COMMD10: variants seen among roughly 807,000 people sequenced by gnomAD.
COMMD10 encodes COMM domain-containing protein 10.
In COMMD10, 33 loss-of-function variants were observed where a neutral mutation model predicts 28.9. The observed-to-expected ratio is 1.14, with a 90% CI of 0.87 to 1.53. The LOEUF is 1.53. COMMD10 is among the 40% of genes most tolerant of loss of function. COMMD10 has a pLI of 0.00. For synonymous variants in COMMD10, 110 were observed against 81.7 expected (o/e 1.35, Z -1.87); for missense variants, 310 against 233.4 (o/e 1.33, Z -2.14).
chr5:116,093,991 C>T (rs1750386808), intron 4 of COMMD10, among the ~76,000 whole-genome samples: 1 of 152,072 alleles, frequency 6.6e-6, no homozygotes. Context: ...AATGTAATGG[C>T]CCTTCTCTCT....
intron 4 of COMMD10, among the ~76,000 whole-genome samples, chr5:116,113,083 T>C (rs937538952): frequency 1.3e-5 from 2 of 152,254 alleles, no homozygotes; most frequent in Non-Finnish European, 2.9e-5. Flanking sequence ...AGCTTAATAC[T>C]ACCTGGATAT....
intron 5 of COMMD10, among the ~76,000 whole-genome samples, chr5:116,176,651 A>G (rs1483516892): frequency 6.6e-6 from 1 of 152,116 alleles, no homozygotes. Context: ...TGAGGGTCCT[A>G]TAAGGTTGTA....
chr5:116,184,520 T>C (rs974761659), intron 5 of COMMD10, among the ~76,000 whole-genome samples: 1 of 152,046 alleles, frequency 6.6e-6, no homozygotes, highest in Non-Finnish European at 1.5e-5. Flanking sequence ...GTTGATAATA[T>C]TGGTTAACAC....
chr5:116,273,727 C>G (rs17139333), intron 5 of COMMD10, among the ~76,000 whole-genome samples: 16,831 of 151,492 alleles, frequency 0.11, 1,552 homozygotes, highest in African/African-American at 0.23. Context: ...TGTTTCTGAT[C>G]TAAGCCTTTG....
chr5:116,226,730 G>C (rs937763175), intron 5 of COMMD10, among the ~76,000 whole-genome samples: 5 of 152,078 alleles, frequency 3.3e-5, no homozygotes, highest in African/African-American at 1.2e-4. Flanking sequence ...TAAGTAGATG[G>C]CCTTAATATT....
chr5:116,275,134 T>A (rs151254403), intron 5 of COMMD10, among the ~76,000 whole-genome samples: 95 of 151,932 alleles, frequency 6.3e-4, no homozygotes, highest in Middle Eastern at 3.4e-3. Flanking sequence ...TACTTGTGCT[T>A]CATCTTTGAT....
chr5:116,179,803 T>C (rs954797172), intron 5 of COMMD10, among the ~76,000 whole-genome samples: 1 of 151,962 alleles, frequency 6.6e-6, no homozygotes, highest in Non-Finnish European at 1.5e-5. Context: ...CCATGAAAGA[T>C]TGAAGTAATA....
intron 5 of COMMD10, among the ~76,000 whole-genome samples, chr5:116,162,350 T>C (rs1029241245): frequency 6.6e-6 from 1 of 152,110 alleles, no homozygotes; most frequent in African/African-American, 2.4e-5. Flanking sequence ...AGTAGTTTCA[T>C]TGACCTATTT....
At chr5:116,169,510 A>G (rs931801213) in intron 5 of COMMD10, among the ~76,000 whole-genome samples, 7 of 152,286 alleles carry the variant, frequency 4.6e-5, no homozygotes, top group African/African-American at 1.7e-4. Context: ...TTATCCTGAT[A>G]CCAAAACCTG....
At chr5:116,146,023 A>G (rs1180796412) in intron 5 of COMMD10, among the ~76,000 whole-genome samples, 1 of 151,894 alleles carries the variant, frequency 6.6e-6, no homozygotes. Context: ...AGGAGCCTCA[A>G]ATAGATGCAT....
chr5:116,093,943 A>G (rs1447797982), intron 4 of COMMD10, among the ~76,000 whole-genome samples: 2 of 152,222 alleles, frequency 1.3e-5, no homozygotes, highest in African/African-American at 2.4e-5. Flanking sequence ...ACCCTCTTTA[A>G]TAAATGGTGC....
rs543622272 is a variant in COMMD10 at position 116,211,067 on chromosome 5, A to G, written c.510+76889A>G. Among the ~76,000 whole-genome samples, 3 of 152,212 alleles carry G rather than the reference A, an allele frequency of 2.0e-5. No individual in the cohort carries two copies. The South Asian group carries it at 6.2e-4, about 32-fold the overall frequency. On this transcript the variant is annotated intron_variant, in intron 5 of 6. Transcript: ENST00000274458. Reference sequence around the variant, plus strand: ...ATTTAAATATTGCTAAATTTTGGAAAAAATTATAATGGAATCATTATATTA... The same window carrying G: ...ATTTAAATATTGCTAAATTTTGGAAGAAATTATAATGGAATCATTATATTA...
Position 116,134,076 on chromosome 5 carries a change from C to CT in COMMD10, c.408_409insT (p.Val137CysfsTer6), listed in dbSNP as rs754675705. ...GCACCTGTCTTTTATAGCTAGAGACCGTTGGATGGCAGCTTAACCTTCAGA... is the reference window on the plus strand; with the variant it reads ...GCACCTGTCTTTTATAGCTAGAGACCTGTTGGATGGCAGCTTAACCTTCAGA... On this transcript the variant is annotated frameshift_variant, in exon 5 of 7. Coordinates refer to ENST00000274458, the MANE Select transcript of COMMD10 (RefSeq NM_016144.4). LOFTEE classifies it high-confidence loss of function. 1.9e-6 allele frequency: 3 copies of CT among 1,584,284 alleles called. No homozygotes were observed. The highest frequency in any genetic ancestry group is 2.6e-6 in the Non-Finnish European group (3 of 1,152,688).
intron 5 of COMMD10, among the ~76,000 whole-genome samples, chr5:116,213,564 T>G (rs1206995540): frequency 2.6e-5 from 4 of 152,160 alleles, no homozygotes; most frequent in Non-Finnish European, 5.9e-5. Context: ...GAAGGATATA[T>G]GAGTATTTTC....
chr5:116,129,282 A>G (rs1396826778), intron 4 of COMMD10, among the ~76,000 whole-genome samples: 3 of 149,904 alleles, frequency 2.0e-5, no homozygotes, highest in South Asian at 2.1e-4. Context: ...AATGGGGGTA[A>G]TAAGCGTTAC....
chr5:116,170,324 C>T (rs62384186), intron 5 of COMMD10, among the ~76,000 whole-genome samples: 11,126 of 152,144 alleles, frequency 0.073, 477 homozygotes, highest in Admixed American at 0.13. Context: ...AACAACTTCT[C>T]AAGGAAATGA....
At chr5:116,268,192 T>A (rs1421195814) in intron 5 of COMMD10, among the ~76,000 whole-genome samples, 1 of 151,834 alleles carries the variant, frequency 6.6e-6, no homozygotes, top group African/African-American at 2.4e-5. Context: ...ATGTTTGCAA[T>A]CTACCCATCT....
chr5:116,155,539 C>G lies in COMMD10; in HGVS notation c.510+21361C>G, dbSNP rs539160520. The stretch of plus-strand genomic sequence containing the variant: ...TTTTTGTAAAAATTTTGTAGATAAA[C>G]AGACATCCTGTGTATTCTGGTAAGA... On this transcript the variant is annotated intron_variant, in intron 5 of 6. Coordinates refer to ENST00000274458, the MANE Select transcript of COMMD10 (RefSeq NM_016144.4). Among the ~76,000 whole-genome samples, 149 of 152,158 alleles carry G rather than the reference C, an allele frequency of 9.8e-4. 1 individual carries two copies. Among genetic ancestry groups the G allele is most frequent in the Non-Finnish European group, 1.6e-3 (112 of 67,968 alleles).
intron 5 of COMMD10, among the ~76,000 whole-genome samples, chr5:116,219,517 G>A (rs573976067): frequency 3.3e-5 from 5 of 152,228 alleles, no homozygotes; most frequent in Non-Finnish European, 7.4e-5. Flanking sequence ...CATAAGAGAA[G>A]GTGGTACGAT....
Sources: gnomAD v4.1 joint callset for allele counts (sites outside exome capture counted in the v4.1 genomes callset) on GRCh38, gnomAD v4.1.1 for gene constraint, MANE v1.5 for transcripts, NCBI Gene and HGNC (gene_info 2026-07-23, HGNC 2026-07-21) for gene names.